The following TCP11 variants were observed in gnomAD, a reference collection of about 807,000 sequenced individuals.
TCP11 encodes T-complex protein 11 homolog.
A neutral mutation model predicts 45.0 loss-of-function variants in TCP11; 34 were observed. The observed-to-expected ratio is 0.76, with a 90% CI of 0.57 to 1.01. The LOEUF (loss-of-function observed/expected upper bound fraction) is 1.01. Ranked by LOEUF, TCP11 falls within the 50% of genes least tolerant of loss-of-function variation. The pLI, the probability that TCP11 is intolerant of heterozygous loss-of-function variation, is 0.00. For synonymous variants in TCP11, 227 were observed against 227.0 expected (o/e 1.00, Z 0.00); for missense variants, 523 against 598.1 (o/e 0.87, Z 1.31).
At position 35,118,343 on chromosome 6, in the gene TCP11, G is replaced by C; in HGVS notation, c.1438C>G (p.Pro480Ala). 1.2e-6 allele frequency: 2 copies of C among 1,614,170 alleles called. No individual in the cohort carries two copies. Among genetic ancestry groups the C allele is most frequent in the African/African-American group, 2.7e-5 (2 of 75,036 alleles). ...GTTTTTAGGATCTCAGTGTAGTAGG[G>C]ACCAAACACCTGCTGATTGTGATGT... Reference protein sequence around the residue: ...LTHHNQQVFGPYYTEILKTLI... With the variant: ...LTHHNQQVFGAYYTEILKTLI... Residue 480 changes from proline (P) to alanine (A), a missense_variant, in exon 10 of 10, where the codon CCC (proline) becomes GCC (alanine). Coordinates refer to ENST00000311875, the MANE Select transcript of TCP11 (RefSeq NM_001370687.1).
chr6:35,134,937 TG>T (rs1241598877), intron 3 of TCP11, among the ~76,000 whole-genome samples: 1 of 151,822 alleles, frequency 6.6e-6, no homozygotes, highest in Non-Finnish European at 1.5e-5. Flanking sequence ...CACCTGAGGT[TG>T]GGTGTTCGAG....
Position 35,141,338 on chromosome 6 carries a change from A to C in TCP11, c.-148T>G. On this transcript the variant is annotated 5_prime_UTR_variant, in exon 1 of 10. Coordinates refer to ENST00000311875, the MANE Select transcript of TCP11 (RefSeq NM_001370687.1). ...CGGTGAGAAAGGCCGGGGCCTGAGA[A>C]CAAACCGCCGCGGTCGCCGGGGCAA... 1 of 1,175,236 alleles carries C rather than the reference A, an allele frequency of 8.5e-7. No homozygotes were observed. The highest frequency in any genetic ancestry group is 3.4e-5 in the South Asian group (1 of 29,750). 72.8% of individuals were successfully genotyped at this position (1,175,236 alleles called of 1,614,324 possible). A position where few individuals can be genotyped will look rare whatever the true frequency, so the allele number is the denominator to read the frequency against.
chr6:35,140,746 C>G lies in TCP11; in HGVS notation c.124+1G>C. ...CACAGGGACTGCCGAGCTGGACCTA[C>G]AGGGAGGGGGGTCCTCGGAGCCGCT... On this transcript the variant is annotated splice_donor_variant, in intron 2 of 9. Transcript: ENST00000311875. LOFTEE classifies it high-confidence loss of function. The G allele has an allele frequency of 6.5e-7, 1 of 1,527,910 alleles. No homozygotes were observed. Among genetic ancestry groups the G allele is most frequent in the Non-Finnish European group, 8.8e-7 (1 of 1,142,636 alleles). 94.6% of individuals were successfully genotyped at this position (1,527,910 alleles called of 1,614,324 possible). A position where few individuals can be genotyped will look rare whatever the true frequency, so the allele number is the denominator to read the frequency against.
At chr6:35,129,224 A>G (rs943138608) in intron 3 of TCP11, 42 bp from the exon 4 acceptor site, 2 of 1,592,786 alleles carry the variant, frequency 1.3e-6, no homozygotes, top group African/African-American at 2.7e-5. Context: ...CTCAACCCAA[A>G]AACAGTTACA....
rs1781757471 is a variant in TCP11 at position 35,141,265 on chromosome 6, CGGCCT to C, written c.-80_-76del. ...CCGCTCGGTGGGCCTCGCGGCCTGG[CGGCCT>C]GGAGCGTACCACCGCGGCGGAGCGG... is the stretch of plus-strand genomic sequence containing the variant. On this transcript the variant is annotated 5_prime_UTR_variant, in exon 1 of 10. Transcript: ENST00000311875. 2.8e-6 allele frequency: 2 copies of C among 723,448 alleles called. No individual in the cohort carries two copies. The highest frequency in any genetic ancestry group is 1.7e-5 in the African/African-American group (1 of 58,806). 44.8% of individuals were successfully genotyped at this position (723,448 alleles called of 1,614,324 possible). A position where few individuals can be genotyped will look rare whatever the true frequency, so the allele number is the denominator to read the frequency against.
Position 35,120,225 on chromosome 6 carries a change from C to A in TCP11, c.1049G>T (p.Gly350Val). 1 of 1,614,198 alleles carries A rather than the reference C, an allele frequency of 6.2e-7. No homozygotes were observed. The change falls in exon 8 of 10, where the codon GGC becomes GTC. Residue 350 changes from glycine to valine, a missense_variant. This residue lies in a region of TCP11 where 298 missense variants were observed against 387.9 expected (regional missense o/e 0.77). Coordinates refer to ENST00000311875, the MANE Select transcript of TCP11 (RefSeq NM_001370687.1). This position sits in a 1 kb window ranked among gnomAD's most constrained non-coding sequence, Gnocchi z 4.9. ...CAGTTTATCTACAAATTGGGGTGAGCCAAACAAAACACTGCCGGAGAAACT... is the reference window on the plus strand; with the variant it reads ...CAGTTTATCTACAAATTGGGGTGAGACAAACAAAACACTGCCGGAGAAACT... ...ASSFSGSVLFGSPQFVDKLKR... is the reference protein window; with the variant it reads ...ASSFSGSVLFVSPQFVDKLKR...
chr6:35,122,459 C>T, intron 4 of TCP11, 122 bp from the exon 5 acceptor site: 2 of 796,834 alleles, frequency 2.5e-6, no homozygotes, highest in East Asian at 2.7e-5. Context: ...AAGTTGGGTC[C>T]CTAAATTTCC....
chr6:35,141,066 C>A, intron 1 of TCP11, 139 bp downstream of exon 1: 1 of 1,223,876 alleles, frequency 8.2e-7, no homozygotes, highest in Non-Finnish European at 1.0e-6. Flanking sequence ...AAGTGGAGCG[C>A]TGGGCGGCAA....
At chr6:35,140,977 C>A in intron 1 of TCP11, 93 bp from the exon 2 acceptor site, 2 of 1,390,768 alleles carry the variant, frequency 1.4e-6, no homozygotes, top group Non-Finnish European at 9.5e-7. Flanking sequence ...AGGGGGGTAG[C>A]GGCCTCAGGG....
intron 3 of TCP11, among the ~76,000 whole-genome samples, chr6:35,130,275 T>C (rs962320255): frequency 6.6e-6 from 1 of 152,144 alleles, no homozygotes; most frequent in Non-Finnish European, 1.5e-5. Context: ...GGAGGAAATA[T>C]AGGTAACCTT....
chr6:35,126,223 G>A (rs1409811129), intron 4 of TCP11, among the ~76,000 whole-genome samples: 1 of 152,184 alleles, frequency 6.6e-6, no homozygotes, highest in Admixed American at 6.5e-5. Context: ...ATTCCCCAGG[G>A]AGGATCAGTC....
chr6:35,119,132 C>A, intron 9 of TCP11, 96 bp downstream of exon 9: 1 of 1,475,484 alleles, frequency 6.8e-7, no homozygotes, highest in Middle Eastern at 1.8e-4. Context: ...CAATGACGTA[C>A]CTAATGACCA....
At chr6:35,122,803 C>T (rs892534636) in intron 4 of TCP11, among the ~76,000 whole-genome samples, 3 of 152,120 alleles carry the variant, frequency 2.0e-5, no homozygotes, top group African/African-American at 7.2e-5. Flanking sequence ...CTTATTCATC[C>T]CCTGCCTCTG....
chr6:35,126,374 A>G (rs1476005671), intron 4 of TCP11, among the ~76,000 whole-genome samples: 1 of 152,152 alleles, frequency 6.6e-6, no homozygotes, highest in Non-Finnish European at 1.5e-5. Context: ...CAGCATCCAG[A>G]TAATCACAGA....
intron 9 of TCP11, among the ~76,000 whole-genome samples, chr6:35,118,823 C>G (rs367807341): frequency 1.3e-5 from 2 of 152,206 alleles, no homozygotes; most frequent in South Asian, 4.1e-4. Context: ...TAGGAGCAGG[C>G]TGGCCAAGTT....
chr6:35,120,801 A>G lies in TCP11; in HGVS notation c.715+108T>C. ...ATGTTCCTTCTCCCTCCCTTCACCT[A>G]ATAAGCAACTTTCTATTCCTAAAAA... On this transcript the variant is annotated intron_variant, in intron 6 of 9. Coordinates refer to ENST00000311875, the MANE Select transcript of TCP11 (RefSeq NM_001370687.1). This position sits in a 1 kb window ranked among gnomAD's most constrained non-coding sequence, Gnocchi z 4.9. 6.9e-7 allele frequency: 1 copy of G among 1,452,202 alleles called. No homozygotes were observed. The highest frequency in any genetic ancestry group is 9.3e-7 in the Non-Finnish European group (1 of 1,073,854). The allele number at this position is 1,452,202 out of a possible 1,614,324, so 90.0% of individuals were successfully genotyped here. A position where few individuals can be genotyped will look rare whatever the true frequency, so the allele number is the denominator to read the frequency against.
intron 4 of TCP11, among the ~76,000 whole-genome samples, chr6:35,126,068 G>A (rs1387419346): frequency 6.6e-6 from 1 of 152,206 alleles, no homozygotes; most frequent in African/African-American, 2.4e-5. Context: ...GAAATGGATA[G>A]TGGTGATGGT....
Position 35,118,188 on chromosome 6 carries a change from G to T in TCP11, c.*81C>A. On this transcript the variant is annotated 3_prime_UTR_variant, in exon 10 of 10. Coordinates refer to ENST00000311875, the MANE Select transcript of TCP11 (RefSeq NM_001370687.1). The stretch of plus-strand genomic sequence containing the variant: ...GGCCTGGGATAGAAGCTCACTGTCT[G>T]CTGGTCACTGGTGATGTTACTCCAG... 1 of 1,194,386 alleles carries T rather than the reference G, an allele frequency of 8.4e-7. No homozygotes were observed. The highest frequency in any genetic ancestry group is 1.2e-6 in the Non-Finnish European group (1 of 812,392). 74.0% of individuals were successfully genotyped at this position (1,194,386 alleles called of 1,614,324 possible). A position where few individuals can be genotyped will look rare whatever the true frequency, so the allele number is the denominator to read the frequency against.
rs1332488015 is a variant in TCP11 at position 35,118,252 on chromosome 6, G to A, written c.*17C>T. 1.9e-6 allele frequency: 3 copies of A among 1,608,076 alleles called. No individual in the cohort carries two copies. The highest frequency in any genetic ancestry group is 2.2e-5 in the East Asian group (1 of 44,882). On this transcript the variant is annotated 3_prime_UTR_variant, in exon 10 of 10. Transcript: ENST00000311875. ...CTCCTCTTGGGTCCAAGGTACCAGG[G>A]CTCTGAGCCGACGCTATCAAACAGA...
Sources: allele counts gnomAD v4.1 joint callset (sites outside exome capture counted in the v4.1 genomes callset), GRCh38; gene constraint gnomAD v4.1.1; regional missense constraint gnomAD v4.1.1; non-coding constraint Gnocchi (gnomAD v3.1); transcripts MANE v1.5; gene names NCBI Gene and HGNC (gene_info 2026-07-23, HGNC 2026-07-21).